ORC2: variants seen among roughly 807,000 people sequenced by gnomAD.
ORC2 encodes the protein origin recognition complex protein 2 homolog.
In ORC2, 37 loss-of-function variants were observed where a neutral mutation model predicts 77.7. The ratio of observed to expected loss-of-function variants is 0.48; its 90% CI spans 0.37 to 0.63. The LOEUF is 0.63. Ranked by LOEUF, ORC2 falls within the 20% of genes least tolerant of loss-of-function variation. The probability of loss-of-function intolerance (pLI) is 0.00; values close to 1 mark genes in which losing one functional copy is unlikely to be tolerated. For synonymous variants in ORC2, 201 were observed against 229.5 expected, an observed-to-expected ratio of 0.88 and a Z score of 1.12; for missense variants, 557 against 661.9, an observed-to-expected ratio of 0.84 and a Z score of 1.74.
intron 13 of ORC2, among the ~76,000 whole-genome samples, chr2:200,923,663 C>T (rs2040794841): frequency 1.3e-5 from 2 of 152,064 alleles, no homozygotes; most frequent in Admixed American, 1.3e-4. Context: ...ATTTTTTCCC[C>T]AAGGCACATC....
At chr2:200,917,056 G>A (rs553912052) in intron 15 of ORC2, among the ~76,000 whole-genome samples, 14 of 147,268 alleles carry the variant, frequency 9.5e-5, no homozygotes, top group Non-Finnish European at 1.8e-4. Context: ...GTGCAGTGGT[G>A]TGATCTTAGC....
intron 4 of ORC2, among the ~76,000 whole-genome samples, chr2:200,953,729 G>C (rs548756509): frequency 6.6e-6 from 1 of 152,314 alleles, no homozygotes; most frequent in South Asian, 2.1e-4. Context: ...TTTGTACAAT[G>C]AGAAAAGTTT....
chr2:200,943,377 C>CT (rs776917932), intron 5 of ORC2, among the ~76,000 whole-genome samples: 5 of 150,304 alleles, frequency 3.3e-5, no homozygotes, highest in Admixed American at 6.6e-5. Flanking sequence ...CTTTCTCTCG[C>CT]TTTTTTTTTC....
At position 200,920,282 on chromosome 2, in the gene ORC2, G is replaced by T; in HGVS notation, c.1406C>A (p.Ser469Tyr). ...SYENSLLVKQ[S>Y]GSLPLSSLTH... is the part of the protein sequence containing the mutation. ...AAGGGAGCTAAGTGGCAGGGATCCA[G>T]ACTGCTTTACCAGAAGAGAGTTCTC... is the stretch of plus-strand genomic sequence containing the variant. The change falls in exon 15 of 18, where the codon TCT becomes TAT. Residue 469 changes from serine to tyrosine, a missense_variant. Transcript: ENST00000234296. The T allele has an allele frequency of 6.2e-7, 1 of 1,613,918 alleles. No homozygotes were observed. The highest frequency in any genetic ancestry group is 8.5e-7 in the Non-Finnish European group (1 of 1,179,872).
intron 9 of ORC2, among the ~76,000 whole-genome samples, chr2:200,934,321 CCTTT>C (rs2040995203): frequency 6.8e-6 from 1 of 147,212 alleles, no homozygotes; most frequent in African/African-American, 2.5e-5. Context: ...TTTTTTTTTT[CCTTT>C]CTTTATTGAG....
chr2:200,943,592 G>C (rs2041193861), intron 5 of ORC2, among the ~76,000 whole-genome samples: 1 of 152,066 alleles, frequency 6.6e-6, no homozygotes, highest in South Asian at 2.1e-4. Flanking sequence ...CAAATTAACT[G>C]CTTTTTTGCT....
At chr2:200,952,358 C>T (rs960169463) in intron 4 of ORC2, among the ~76,000 whole-genome samples, 1 of 152,082 alleles carries the variant, frequency 6.6e-6, no homozygotes, top group African/African-American at 2.4e-5. Flanking sequence ...CTCCTGGGTT[C>T]ATGCCATTCT....
At chr2:200,926,704 T>TTA in intron 12 of ORC2, 64 bp downstream of exon 12, 2 of 1,537,854 alleles carry the variant, frequency 1.3e-6, no homozygotes, top group Non-Finnish European at 8.9e-7. Context: ...CCATCCTCAT[T>TTA]TATGTGGGGG....
intron 10 of ORC2, among the ~76,000 whole-genome samples, 180 bp downstream of exon 10, chr2:200,933,696 A>C (rs2040982801): frequency 6.6e-6 from 1 of 152,196 alleles, no homozygotes; most frequent in Non-Finnish European, 1.5e-5. Flanking sequence ...GGTATGAGCC[A>C]GGTGTGCCCG....
At chr2:200,952,222 A>G in intron 4 of ORC2, among the ~76,000 whole-genome samples, 1 of 151,672 alleles carries the variant, frequency 6.6e-6, no homozygotes, top group South Asian at 2.1e-4. Context: ...ATATATAATT[A>G]GAATATAGAA....
Position 200,934,535 on chromosome 2 carries a change from T to C in ORC2, c.709-561A>G, listed in dbSNP as rs2041001582. On this transcript the variant is annotated intron_variant, in intron 9 of 17. Transcript: ENST00000234296. ...GCAGAGACAGGGTCTTATTATGTTA[T>C]CCAGGCTGGTTTCAAACTCCTGGCC... is the stretch of plus-strand genomic sequence containing the variant. 2.7e-5 allele frequency among the ~76,000 whole-genome samples: 4 copies of C among 150,942 alleles called. No homozygotes were observed. The South Asian group carries it at 8.4e-4, about 32-fold the overall frequency.
Position 200,935,750 on chromosome 2 carries a change from T to G in ORC2, c.657A>C (p.Ser219=). The change falls in exon 9 of 18, where the codon TCA becomes TCC. Residue 219 remains serine (S), a synonymous_variant. Coordinates refer to ENST00000234296, the MANE Select transcript of ORC2 (RefSeq NM_006190.5). ...AAGGTGTTTCTTTGCCAACAGGAGCTGAAACTACTCTATTCTGAGCTTGAA... is the reference window on the plus strand; with the variant it reads ...AAGGTGTTTCTTTGCCAACAGGAGCGGAAACTACTCTATTCTGAGCTTGAA... ...QKIQAQNRVV[S]APVGKETPSK... 1 of 1,613,862 alleles carries G rather than the reference T, an allele frequency of 6.2e-7. No homozygotes were observed. Among genetic ancestry groups the G allele is most frequent in the Non-Finnish European group, 8.5e-7 (1 of 1,179,914 alleles).
intron 15 of ORC2, among the ~76,000 whole-genome samples, chr2:200,916,752 G>A (rs889502838): frequency 6.6e-6 from 1 of 151,986 alleles, no homozygotes; most frequent in Non-Finnish European, 1.5e-5. Flanking sequence ...GCCCAGGCTG[G>A]AGTGCAGTGG....
At chr2:200,939,884 TC>T (rs2041116584) in intron 7 of ORC2, among the ~76,000 whole-genome samples, 2 of 152,316 alleles carry the variant, frequency 1.3e-5, no homozygotes, top group African/African-American at 4.8e-5. Context: ...TGAGTTTTTT[TC>T]CTTTTATAGT....
intron 11 of ORC2, among the ~76,000 whole-genome samples, chr2:200,927,723 T>C (rs950810609): frequency 5.3e-5 from 8 of 151,064 alleles, no homozygotes; most frequent in Non-Finnish European, 1.2e-4. Context: ...AATAATTTTT[T>C]TTTTCGCTCT....
chr2:200,938,106 G>T, intron 7 of ORC2, 140 bp from the exon 8 acceptor site: 2 of 587,192 alleles, frequency 3.4e-6, no homozygotes, highest in Non-Finnish European at 6.1e-6. Context: ...CCTAGAACTA[G>T]AAGATTATGA....
chr2:200,951,465 C>A (rs928794615), intron 4 of ORC2, among the ~76,000 whole-genome samples: 2 of 152,166 alleles, frequency 1.3e-5, no homozygotes, highest in African/African-American at 4.8e-5. Context: ...TGGGGCTGCA[C>A]CATTTTGCAT....
chr2:200,941,178 A>C, intron 7 of ORC2, 70 bp downstream of exon 7: 1 of 1,272,458 alleles, frequency 7.9e-7, no homozygotes. Context: ...TTTTCATTGA[A>C]TTTCTGGCAA....
At chr2:200,937,542 C>A (rs1171767732) in intron 8 of ORC2, among the ~76,000 whole-genome samples, 1 of 152,144 alleles carries the variant, frequency 6.6e-6, no homozygotes, top group Non-Finnish European at 1.5e-5. Flanking sequence ...ATTCAAAAAT[C>A]TGAAACGATT....
Sources: allele counts gnomAD v4.1 joint callset (sites outside exome capture counted in the v4.1 genomes callset), GRCh38; gene constraint gnomAD v4.1.1; transcripts MANE v1.5; gene names NCBI Gene and HGNC (gene_info 2026-07-23, HGNC 2026-07-21).